Variants in NME8 observed in about 807,000 individuals in gnomAD.
The protein encoded by NME8 is NME/NM23 family member 8.
In NME8, 72 loss-of-function variants were observed where a neutral mutation model predicts 82.3. The observed-to-expected ratio is 0.87, with a 90% CI of 0.72 to 1.06. The LOEUF is 1.06. NME8 is among the 50% of genes least tolerant of loss of function. NME8 has a pLI of 0.00. For missense variants in NME8, 712 were observed against 685.4 expected, an observed-to-expected ratio of 1.04 and a Z score of -0.43; for synonymous variants, 267 against 228.5, an observed-to-expected ratio of 1.17 and a Z score of -1.52.
At chr7:37,866,999 G>T (rs1035808262) in intron 10 of NME8, among the ~76,000 whole-genome samples, 3 of 152,126 alleles carry the variant, frequency 2.0e-5, no homozygotes, top group African/African-American at 7.2e-5. Context: ...CTGAATACAC[G>T]ATTTACATGT....
intron 5 of NME8, among the ~76,000 whole-genome samples, chr7:37,855,937 TA>T (rs34245429): frequency 0.069 from 10,206 of 147,526 alleles, 414 homozygotes; most frequent in African/African-American, 0.11. Flanking sequence ...GAACTTCCTT[TA>T]AAAAAAAAAA....
In NME8 at chr7:37,862,210, G is replaced by T. The variant is rs987994662; in HGVS notation, c.387+66G>T. 31 of 1,048,950 alleles carry T rather than the reference G, an allele frequency of 3.0e-5. No homozygotes were observed. The African/African-American group carries it at 4.7e-4, about 16-fold the overall frequency. The allele number at this position is 1,048,950 out of a possible 1,614,324, so 65.0% of individuals were successfully genotyped here. ...CATTTAGAGTGAAATAGAACAAAAT[G>T]CACTACTGGTGCTAGGTACCTCTAA... is the stretch of plus-strand genomic sequence containing the variant. On this transcript the variant is annotated intron_variant, in intron 7 of 17. Coordinates refer to ENST00000199447, the MANE Select transcript of NME8 (RefSeq NM_016616.5).
chr7:37,851,722 T>C (rs1039220651), intron 5 of NME8, among the ~76,000 whole-genome samples: 3 of 152,064 alleles, frequency 2.0e-5, no homozygotes, highest in African/African-American at 7.2e-5. Flanking sequence ...TTATATAATA[T>C]ATTTATATTA....
intron 11 of NME8, among the ~76,000 whole-genome samples, chr7:37,876,229 T>TAGATAGATAG (rs1554364686): frequency 6.0e-4 from 88 of 146,194 alleles, no homozygotes; most frequent in African/African-American, 1.8e-3. Context: ...TATATATATA[T>TAGATAGATAG]ATAGATAGAT....
intron 6 of NME8, among the ~76,000 whole-genome samples, chr7:37,861,690 G>A (rs1784598915): frequency 1.3e-5 from 2 of 152,158 alleles, no homozygotes; most frequent in South Asian, 2.1e-4. Flanking sequence ...TAACTAGGGA[G>A]GATGTCATTG....
chr7:37,884,262 T>C (rs373151140), intron 12 of NME8, 41 bp from the exon 13 acceptor site: 227 of 1,310,720 alleles, frequency 1.7e-4, no homozygotes, highest in Non-Finnish European at 2.3e-4. Flanking sequence ...TAACCAGTAA[T>C]CTACCAGTTT....
chr7:37,861,986 C>G, intron 6 of NME8, 42 bp from the exon 7 acceptor site: 1 of 1,268,348 alleles, frequency 7.9e-7, no homozygotes, highest in Non-Finnish European at 1.2e-6. Flanking sequence ...TTGGTGTGTT[C>G]TCCAAATGAA....
intron 14 of NME8, among the ~76,000 whole-genome samples, chr7:37,886,804 T>A (rs1785047307): frequency 6.6e-6 from 1 of 151,408 alleles, no homozygotes; most frequent in Admixed American, 6.6e-5. Context: ...TGAAGGTATC[T>A]CCAAATTAGA....
intron 6 of NME8, among the ~76,000 whole-genome samples, chr7:37,858,364 A>T (rs1321611657): frequency 1.3e-5 from 2 of 152,242 alleles, no homozygotes; most frequent in Non-Finnish European, 2.9e-5. Flanking sequence ...GTTAATGATT[A>T]AAAAATGCAT....
chr7:37,863,369 T>C, intron 7 of NME8, 27 bp from the exon 8 acceptor site: 1 of 1,369,538 alleles, frequency 7.3e-7, no homozygotes, highest in Non-Finnish European at 1.0e-6. Context: ...AACTGTGTTA[T>C]CTTTGCATTG....
intron 5 of NME8, among the ~76,000 whole-genome samples, chr7:37,851,332 T>C (rs543439846): frequency 1.8e-4 from 27 of 152,228 alleles, no homozygotes; most frequent in Non-Finnish European, 3.4e-4. Flanking sequence ...GAGCTCAATT[T>C]TTAATTTTAA....
chr7:37,851,225 A>G (rs1784434645), intron 5 of NME8, among the ~76,000 whole-genome samples: 1 of 152,258 alleles, frequency 6.6e-6, no homozygotes, highest in Non-Finnish European at 1.5e-5. Flanking sequence ...ATCTATTCAC[A>G]TAAAATGATC....
At position 37,884,459 on chromosome 7, in the gene NME8, G is replaced by A. The variant is rs1416285037; in HGVS notation, c.1139+12G>A. 1.9e-6 allele frequency: 3 copies of A among 1,606,388 alleles called. No homozygotes were observed. The highest frequency in any genetic ancestry group is 1.3e-5 in the African/African-American group (1 of 74,766). On this transcript the variant is annotated intron_variant, in intron 13 of 17. Transcript: ENST00000199447. ...GAAAACATGACCAGGTAGAATCCAG[G>A]TTGAGAAAATTCAGTCTGATTTATT...
chr7:37,869,964 A>C (rs1478259738), intron 11 of NME8, among the ~76,000 whole-genome samples: 1 of 152,126 alleles, frequency 6.6e-6, no homozygotes, highest in Non-Finnish European at 1.5e-5. Context: ...ATCCGACAGG[A>C]ACAATTATTT....
chr7:37,866,771 C>T (rs1198394983), intron 10 of NME8, among the ~76,000 whole-genome samples: 1 of 152,178 alleles, frequency 6.6e-6, no homozygotes, highest in Non-Finnish European at 1.5e-5. Flanking sequence ...ACGCCCATGA[C>T]ACAGCCTCAG....
In NME8 at chr7:37,896,945, C is replaced by A; in HGVS notation, c.1620C>A (p.Asp540Glu). ...AEWRRLMGPT[D>E]PEEAKLLSPD... ...GGAGACGATTGATGGGCCCAACAGA[C>A]CCAGAAGAAGCAAAATTACTTTCCC... The change falls in exon 17 of 18, where the codon GAC becomes GAA. Residue 540 changes from aspartate to glutamate, a missense_variant. Physicochemically the swap from Asp to Glu is conservative, Grantham distance 45. Transcript: ENST00000199447. 11 of 1,613,812 alleles carry A rather than the reference C, an allele frequency of 6.8e-6. No individual in the cohort carries two copies. The highest frequency in any genetic ancestry group is 9.3e-6 in the Non-Finnish European group (11 of 1,179,876).
chr7:37,867,951 A>G, intron 11 of NME8, 53 bp downstream of exon 11: 1 of 1,518,718 alleles, frequency 6.6e-7, no homozygotes, highest in Non-Finnish European at 9.1e-7. Context: ...TTGGGTAATG[A>G]AGCGTAGTGT....
intron 12 of NME8, among the ~76,000 whole-genome samples, chr7:37,879,765 A>G (rs772038731): frequency 3.9e-5 from 6 of 152,204 alleles, no homozygotes; most frequent in Non-Finnish European, 8.8e-5. Flanking sequence ...GTTTGTAAGA[A>G]AGTGCCAAAA....
At chr7:37,888,737 T>C (rs911135693) in intron 15 of NME8, among the ~76,000 whole-genome samples, 4 of 152,156 alleles carry the variant, frequency 2.6e-5, no homozygotes, top group Non-Finnish European at 5.9e-5. Flanking sequence ...GATATATTAG[T>C]ACGGAATATC....
Sources: gnomAD v4.1 joint callset for allele counts (sites outside exome capture counted in the v4.1 genomes callset) on GRCh38, gnomAD v4.1.1 for gene constraint, MANE v1.5 for transcripts, NCBI Gene and HGNC (gene_info 2026-07-23, HGNC 2026-07-21) for gene names.